Variants in SCAMP2 observed in about 807,000 individuals in gnomAD.
SCAMP2 encodes secretory carrier membrane protein 2, also known as secretory carrier-associated membrane protein 2.
A neutral mutation model predicts 44.1 loss-of-function variants in SCAMP2; 25 were observed. The ratio of observed to expected loss-of-function variants is 0.57; its 90% CI spans 0.41 to 0.79. SCAMP2 has a LOEUF of 0.79. SCAMP2 is among the 30% of genes least tolerant of loss of function. SCAMP2 has a pLI of 0.00. For missense variants in SCAMP2, 355 were observed against 411.0 expected, an observed-to-expected ratio of 0.86 and a Z score of 1.18; for synonymous variants, 156 against 166.0, an observed-to-expected ratio of 0.94 and a Z score of 0.46.
intron 1 of SCAMP2, among the ~76,000 whole-genome samples, chr15:74,856,579 GTTCT>G (rs1037002517): frequency 5.4e-5 from 8 of 148,708 alleles, no homozygotes; most frequent in Non-Finnish European, 7.4e-5. Context: ...CTGGCCTCCA[GTTCT>G]TTTTTTTTTT....
At chr15:74,854,991 A>C (rs1869959) in intron 1 of SCAMP2, among the ~76,000 whole-genome samples, 98,705 of 144,702 alleles carry the variant, frequency 0.68, 33,202 homozygotes, top group East Asian at 0.74. Context: ...TTTTTTTTTG[A>C]GGGGTGGGGT....
chr15:74,854,725 C>G (rs1375481470), intron 1 of SCAMP2, 76 bp from the exon 2 acceptor site: 2 of 1,342,260 alleles, frequency 1.5e-6, no homozygotes, highest in Non-Finnish European at 2.1e-6. Context: ...GCCGGTGACG[C>G]CTGACTGAAG....
At position 74,854,590 on chromosome 15, in the gene SCAMP2, G is replaced by A. The variant is rs551554644; in HGVS notation, c.117C>T (p.Pro39=). 71 of 1,603,080 alleles carry A rather than the reference G, an allele frequency of 4.4e-5. No homozygotes were observed. The highest frequency in any genetic ancestry group is 5.6e-5 in the South Asian group (5 of 88,718). ...APQGGLAEFN[P]FSETNAATTV... is the part of the protein sequence containing the mutation. ...GGGCCTGCTCACCAACCTCTGAGAA[G>A]GGGTTGAATTCCGCCAGGCCGCCCT... Residue 39 remains proline (P), a synonymous_variant, in exon 2 of 9, where the codon CCC becomes CCT. Transcript: ENST00000268099.
In SCAMP2 at chr15:74,853,871, T is replaced by C. The variant is rs2064451118; in HGVS notation, c.225+150A>G. 6.1e-6 allele frequency: 4 copies of C among 654,258 alleles called. No homozygotes were observed. The East Asian group carries it at 1.1e-4, about 18-fold the overall frequency. 40.5% of individuals were successfully genotyped at this position (654,258 alleles called of 1,614,324 possible). ...ATTGGCAGAGCAGCCCCTCTACTTG[T>C]AGGTGACCAGCTCCGAACAAATTAG... On this transcript the variant is annotated intron_variant, in intron 3 of 8. Coordinates refer to ENST00000268099, the MANE Select transcript of SCAMP2 (RefSeq NM_005697.5).
chr15:74,858,457 G>A (rs563595051), intron 1 of SCAMP2, among the ~76,000 whole-genome samples: 9 of 152,242 alleles, frequency 5.9e-5, no homozygotes, highest in Admixed American at 3.3e-4. Context: ...TCGGGACCCT[G>A]GCTGAGAAAA....
In SCAMP2 at chr15:74,848,607, C is replaced by T; in HGVS notation, c.727G>A (p.Gly243Arg). Residue 243 changes from glycine (G) to arginine (R), a missense_variant, in exon 7 of 9, where the codon GGG becomes AGG. Physicochemically the swap from Gly to Arg is moderately radical, Grantham distance 125 (BLOSUM62 -2). Coordinates refer to ENST00000268099, the MANE Select transcript of SCAMP2 (RefSeq NM_005697.5). ...IIQLVGIPGL[G>R]DSGWIAALST... ...GTGATGCCCAGGTCTCACCTGTCCCCCAGGCCAGGGATGCCAACCAACTGG... is the reference window on the plus strand; with the variant it reads ...GTGATGCCCAGGTCTCACCTGTCCCTCAGGCCAGGGATGCCAACCAACTGG... 6.3e-7 allele frequency: 1 copy of T among 1,599,710 alleles called. No homozygotes were observed. Among genetic ancestry groups the T allele is most frequent in the Non-Finnish European group, 8.6e-7 (1 of 1,166,996 alleles).
chr15:74,867,123 C>G (rs546344972), intron 1 of SCAMP2, among the ~76,000 whole-genome samples: 1 of 152,338 alleles, frequency 6.6e-6, no homozygotes, highest in African/African-American at 2.4e-5. Flanking sequence ...GCTCTCCTGC[C>G]AGAAGCCATT....
chr15:74,861,525 G>C (rs2064503182), intron 1 of SCAMP2, among the ~76,000 whole-genome samples: 1 of 152,178 alleles, frequency 6.6e-6, no homozygotes. Context: ...AGAGACCACA[G>C]GTATGTTTTG....
chr15:74,844,198 C>CGGGGGGG lies in SCAMP2; in HGVS notation c.*884_*885insCCCCCCC, dbSNP rs1403091113. 1 of 47,900 alleles carries CGGGGGGG rather than the reference C, an allele frequency of 2.1e-5. No homozygotes were observed. The highest frequency in any genetic ancestry group is 7.4e-5 in the African/African-American group (1 of 13,448). The allele number at this position is 47,900 out of a possible 1,614,324, so 3.0% of individuals were successfully genotyped here. A position where few individuals can be genotyped will look rare whatever the true frequency, so the allele number is the denominator to read the frequency against. On this transcript the variant is annotated 3_prime_UTR_variant, in exon 9 of 9. Coordinates refer to ENST00000268099, the MANE Select transcript of SCAMP2 (RefSeq NM_005697.5). ...AGACAAAGGCAGCCGTCCCTCGGTT[C>CGGGGGGG]GGGGAGGGGGGGGGGTAGTCACAGC...
chr15:74,854,239 T>TG, intron 2 of SCAMP2, 120 bp from the exon 3 acceptor site: 1 of 897,302 alleles, frequency 1.1e-6, no homozygotes, highest in Non-Finnish European at 1.8e-6. Context: ...CCTCGGGGCC[T>TG]GCACTGGGCC....
Position 74,858,923 on chromosome 15 carries a change from C to T in SCAMP2, c.58-4274G>A, listed in dbSNP as rs995365053. ...TCCCGGGTTCACACCATTCTCCTGC[C>T]TCAGCCTCCCCAGTAGCTGGGACTA... On this transcript the variant is annotated intron_variant, in intron 1 of 8. Coordinates refer to ENST00000268099, the MANE Select transcript of SCAMP2 (RefSeq NM_005697.5). 1.5e-4 allele frequency among the ~76,000 whole-genome samples: 23 copies of T among 151,240 alleles called. 1 individual carries two copies. Among genetic ancestry groups the T allele is most frequent in the Middle Eastern group, 6.8e-3 (2 of 292 alleles).
chr15:74,862,869 C>T (rs1389533464), intron 1 of SCAMP2, among the ~76,000 whole-genome samples: 2 of 145,058 alleles, frequency 1.4e-5, no homozygotes, highest in East Asian at 2.0e-4. Flanking sequence ...CACACACACA[C>T]ACACACACAC....
At chr15:74,851,628 A>G (rs1388238184) in intron 4 of SCAMP2, 147 bp from the exon 5 acceptor site, 1 of 955,982 alleles carries the variant, frequency 1.0e-6, no homozygotes, top group Non-Finnish European at 1.6e-6. Flanking sequence ...TGGAGCATGG[A>G]GTGGGACAGA....
At chr15:74,871,130 T>A (rs536254779) in intron 1 of SCAMP2, among the ~76,000 whole-genome samples, 1 of 152,288 alleles carries the variant, frequency 6.6e-6, no homozygotes, top group East Asian at 1.9e-4. Context: ...ATCATCCCTG[T>A]GCTCTCAGCT....
chr15:74,869,538 G>A (rs1421521705), intron 1 of SCAMP2, among the ~76,000 whole-genome samples: 2 of 152,100 alleles, frequency 1.3e-5, no homozygotes, highest in Non-Finnish European at 2.9e-5. Flanking sequence ...CAATGTCTGA[G>A]CTTCAAAACC....
intron 1 of SCAMP2, among the ~76,000 whole-genome samples, chr15:74,870,669 G>C (rs1047756350): frequency 3.3e-5 from 5 of 152,340 alleles, no homozygotes; most frequent in Admixed American, 6.5e-5. Context: ...GCTACGAGAG[G>C]AATGTTCAGA....
intron 5 of SCAMP2, 57 bp from the exon 6 acceptor site, chr15:74,850,730 A>G (rs1596414902): frequency 6.3e-7 from 1 of 1,576,672 alleles, no homozygotes; most frequent in African/African-American, 1.3e-5. Flanking sequence ...GAGGGGCTCC[A>G]ATGTGGCAGC....
At chr15:74,865,074 C>CAAAA (rs36079981) in intron 1 of SCAMP2, among the ~76,000 whole-genome samples, 3 of 32,814 alleles carry the variant, frequency 9.1e-5, no homozygotes, top group African/African-American at 1.4e-4. Flanking sequence ...GACTCTATCT[C>CAAAA]AAAAAAAAAA....
chr15:74,860,685 T>TAAAA lies in SCAMP2; in HGVS notation c.58-6040_58-6037dup, dbSNP rs34842935. On this transcript the variant is annotated intron_variant, in intron 1 of 8. Transcript: ENST00000268099. ...CTGGGATACAGAGGAAGACTCCATT[T>TAAAA]AAAAAAAAAAAAAAAAAAAAAGCCA... 1.8e-3 allele frequency among the ~76,000 whole-genome samples: 162 copies of TAAAA among 89,474 alleles called. 5 individuals are homozygous for TAAAA. Among genetic ancestry groups the TAAAA allele is most frequent in the Middle Eastern group, 7.6e-3 (1 of 132 alleles). 58.7% of individuals were successfully genotyped at this position (89,474 alleles called of 152,430 possible).
Sources: allele counts gnomAD v4.1 joint callset (sites outside exome capture counted in the v4.1 genomes callset), GRCh38; gene constraint gnomAD v4.1.1; transcripts MANE v1.5; gene names NCBI Gene and HGNC (gene_info 2026-07-23, HGNC 2026-07-21).